Variants in BTBD8 observed in about 807,000 individuals in gnomAD.
BTBD8 encodes the protein BTB/POZ domain-containing protein 8.
A neutral mutation model predicts 162.9 loss-of-function variants in BTBD8; 110 were observed. The ratio of observed to expected loss-of-function variants is 0.68; its 90% CI spans 0.58 to 0.79. The LOEUF (loss-of-function observed/expected upper bound fraction) is 0.79, where lower values mean the gene tolerates loss of function less well. Among genes scored for constraint, BTBD8 ranks in the 30% least tolerant of loss-of-function variants. BTBD8 has a pLI of 0.00. For missense variants in BTBD8, 1,905 were observed against 2,085.4 expected (o/e 0.91, Z 1.68); for synonymous variants, 667 against 716.1 (o/e 0.93, Z 1.10).
At chr1:92,092,460 C>T (rs950173912) in intron 2 of BTBD8, among the ~76,000 whole-genome samples, 50 of 152,022 alleles carry the variant, frequency 3.3e-4, no homozygotes, top group African/African-American at 1.2e-3. Flanking sequence ...CTATCCCTGC[C>T]ATCCAAGGAC....
In BTBD8 at chr1:92,137,821, G is replaced by A. The variant is rs190750229; in HGVS notation, c.753-1529G>A. 2.0e-3 allele frequency among the ~76,000 whole-genome samples: 301 copies of A among 152,106 alleles called. 2 individuals are homozygous for A. Among genetic ancestry groups the A allele is most frequent in the Admixed American group, 0.016 (250 of 15,268 alleles). On this transcript the variant is annotated intron_variant, in intron 5 of 17. Transcript: ENST00000636805. The stretch of plus-strand genomic sequence containing the variant: ...TAAACACAAAATTTATTTATGTTTC[G>A]TATACACTGTCAAATTCAAAATAAA...
At chr1:92,147,336 G>T in intron 8 of BTBD8, 68 bp downstream of exon 8, 1 of 1,397,274 alleles carries the variant, frequency 7.2e-7, no homozygotes, top group Non-Finnish European at 1.0e-6. Flanking sequence ...TTCTAATTTT[G>T]TGGGGAACTT....
intron 9 of BTBD8, among the ~76,000 whole-genome samples, chr1:92,162,725 C>A (rs1411927540): frequency 6.6e-6 from 1 of 152,124 alleles, no homozygotes; most frequent in African/African-American, 2.4e-5. Flanking sequence ...CTCAGATCCC[C>A]CAGGATCACT....
intron 2 of BTBD8, among the ~76,000 whole-genome samples, chr1:92,098,054 G>T (rs1053822810): frequency 2.0e-5 from 3 of 152,132 alleles, no homozygotes; most frequent in Admixed American, 2.0e-4. Flanking sequence ...AATTGGTCAC[G>T]TAGGCACTCC....
At chr1:92,118,335 G>A (rs1227190451) in intron 4 of BTBD8, among the ~76,000 whole-genome samples, 2 of 145,416 alleles carry the variant, frequency 1.4e-5, no homozygotes, top group South Asian at 2.1e-4. Flanking sequence ...TACTGGTCAG[G>A]TATTTTATAG....
At chr1:92,099,755 T>G (rs1479124044) in intron 2 of BTBD8, among the ~76,000 whole-genome samples, 2 of 152,224 alleles carry the variant, frequency 1.3e-5, no homozygotes, top group African/African-American at 2.4e-5. Flanking sequence ...TAAACTTGTT[T>G]AGTAGTGTTT....
chr1:92,177,967 T>C, intron 15 of BTBD8, 69 bp downstream of exon 15: 1 of 680,724 alleles, frequency 1.5e-6, no homozygotes, highest in Non-Finnish European at 2.4e-6. Context: ...TACTAACTGC[T>C]AGCTAAATAT....
chr1:92,105,930 T>G (rs1173149549), intron 3 of BTBD8, among the ~76,000 whole-genome samples: 1 of 152,250 alleles, frequency 6.6e-6, no homozygotes, highest in Non-Finnish European at 1.5e-5. Context: ...GCTCGGCTGC[T>G]TATAATTGGC....
chr1:92,131,007 G>A lies in BTBD8; in HGVS notation c.752+1231G>A, dbSNP rs373258447. Among the ~76,000 whole-genome samples, 170 of 152,206 alleles carry A rather than the reference G, an allele frequency of 1.1e-3. 2 individuals are homozygous for A. In the South Asian group the frequency reaches 0.032, roughly 29 times the overall value. ...GCGTGAGCTACTGCGCTTGGCCTAC[G>A]TTCAAGTTTTTAAATACTAATATAA... On this transcript the variant is annotated intron_variant, in intron 5 of 17. Transcript: ENST00000636805.
chr1:92,182,261 T>C lies in BTBD8; in HGVS notation c.4578T>C (p.Asn1526=), dbSNP rs570196010. Reference sequence around the variant, plus strand: ...GTAGCATTGACTCTTCAAGAAAAAATAAACAGAGTGTTTCAGCCACAGAAA... The same window carrying C: ...GTAGCATTGACTCTTCAAGAAAAAACAAACAGAGTGTTTCAGCCACAGAAA... ...DLSSIDSSRK[N]KQSVSATEKK... is the part of the protein sequence containing the mutation. The change falls in exon 17 of 18, where the codon AAT becomes AAC. Residue 1526 remains asparagine, a synonymous_variant. Coordinates refer to ENST00000636805, the MANE Select transcript of BTBD8 (RefSeq NM_001376131.1). The C allele has an allele frequency of 1.3e-5, 20 of 1,550,988 alleles. No individual in the cohort carries two copies. The East Asian group carries it at 4.9e-4, about 38-fold the overall frequency.
rs1650424313 is a variant in BTBD8 at position 92,167,868 on chromosome 1, A to G, written c.1326A>G (p.Thr442=). 1.3e-6 allele frequency: 2 copies of G among 1,550,652 alleles called. No homozygotes were observed. The highest frequency in any genetic ancestry group is 1.7e-6 in the Non-Finnish European group (2 of 1,146,192). Residue 442 remains threonine (T), a synonymous_variant, in exon 11 of 18, where the codon ACA becomes ACG. Transcript: ENST00000636805. ...TATAGTCACAAGCAATGAGCAGCAC[A>G]GCCGATCTGTTGGACACAATTTTAA... ...LLLQSQAMSS[T]ADLLDTILKA... is the part of the protein sequence containing the mutation.
chr1:92,160,245 A>G (rs528426852), intron 9 of BTBD8, among the ~76,000 whole-genome samples: 7 of 152,054 alleles, frequency 4.6e-5, no homozygotes, highest in African/African-American at 1.7e-4. Flanking sequence ...TACCTCTTTG[A>G]TGAAATTATT....
chr1:92,090,674 G>C (rs1648271996), intron 2 of BTBD8, among the ~76,000 whole-genome samples: 1 of 152,122 alleles, frequency 6.6e-6, no homozygotes, highest in African/African-American at 2.4e-5. Flanking sequence ...TCACACCTGT[G>C]ATCCCAGCAC....
At chr1:92,089,697 T>A (rs2101893651) in intron 2 of BTBD8, among the ~76,000 whole-genome samples, 1 of 152,280 alleles carries the variant, frequency 6.6e-6, no homozygotes, top group South Asian at 2.1e-4. Flanking sequence ...AGAGCACTAA[T>A]CTCATTCATG....
intron 7 of BTBD8, among the ~76,000 whole-genome samples, chr1:92,145,312 A>ATT (rs1241821094): frequency 6.6e-6 from 1 of 152,158 alleles, no homozygotes; most frequent in Non-Finnish European, 1.5e-5. Context: ...GGAGAGGGGT[A>ATT]TTAGAAAATC....
At chr1:92,158,593 G>A (rs559618846) in intron 9 of BTBD8, among the ~76,000 whole-genome samples, 2 of 152,136 alleles carry the variant, frequency 1.3e-5, no homozygotes, top group African/African-American at 4.8e-5. Context: ...TATTTTTAAT[G>A]CATTTATCTT....
intron 2 of BTBD8, among the ~76,000 whole-genome samples, chr1:92,098,430 T>G (rs772869099): frequency 1.3e-5 from 2 of 152,218 alleles, no homozygotes; most frequent in African/African-American, 2.4e-5. Context: ...TTCAAGTCTC[T>G]TGTATTATAT....
chr1:92,168,167 G>C (rs115680737), intron 11 of BTBD8, among the ~76,000 whole-genome samples, 182 bp downstream of exon 11: 1 of 152,088 alleles, frequency 6.6e-6, no homozygotes, highest in Admixed American at 6.6e-5. Flanking sequence ...TAAAAATTCC[G>C]TTTGTCTCCA....
chr1:92,181,586 C>T lies in BTBD8; in HGVS notation c.3903C>T (p.Ser1301=). 6.4e-7 allele frequency: 1 copy of T among 1,551,432 alleles called. No homozygotes were observed. The highest frequency in any genetic ancestry group is 8.7e-7 in the Non-Finnish European group (1 of 1,146,770). The change falls in exon 17 of 18, where the codon AGC becomes AGT. Residue 1301 remains serine (S), a synonymous_variant. Transcript: ENST00000636805. The stretch of plus-strand genomic sequence containing the variant: ...GCCATGATTTTCTTGGAAGAAGTAG[C>T]AGTGATACCAGTACTCCTGAAGAAT... ...MLCHDFLGRS[S]SDTSTPEELK...
Sources: gnomAD v4.1 joint callset for allele counts (sites outside exome capture counted in the v4.1 genomes callset) on GRCh38, gnomAD v4.1.1 for gene constraint, MANE v1.5 for transcripts, NCBI Gene and HGNC (gene_info 2026-07-23, HGNC 2026-07-21) for gene names.